The following MYO1B variants were observed in gnomAD, a reference collection of about 807,000 sequenced individuals.
The protein encoded by MYO1B is myosin IB.
Under a neutral mutation model 159.7 loss-of-function variants are expected in MYO1B, and 72 were observed. That is an observed-to-expected ratio of 0.45 (90% CI 0.37 to 0.55). The LOEUF is 0.55. MYO1B is among the 20% of genes least tolerant of loss of function. The pLI is 0.00. For synonymous variants in MYO1B, 468 were observed against 473.8 expected (o/e 0.99, Z 0.16); for missense variants, 1,062 against 1,364.8 (o/e 0.78, Z 3.50).
Position 191,364,263 on chromosome 2 carries a change from T to A in MYO1B, c.1019T>A (p.Leu340Gln), listed in dbSNP as rs1303080506. The change falls in exon 11 of 31, where the codon CTG (leucine) becomes CAG (glutamine). Residue 340 changes from leucine to glutamine, a missense_variant. Physicochemically the swap from Leu to Gln is moderately radical, Grantham distance 113. Coordinates refer to ENST00000392318, the MANE Select transcript of MYO1B (RefSeq NM_001130158.3). Reference sequence around the variant, plus strand: ...AAACAGGAGAAAGTTTCAACTACACTGAATGTGGCTCAGGTGGGTGAAACA... The same window carrying A: ...AAACAGGAGAAAGTTTCAACTACACAGAATGTGGCTCAGGTGGGTGAAACA... ...EAKQEKVSTTLNVAQAYYARD... is the reference protein window; with the variant it reads ...EAKQEKVSTTQNVAQAYYARD... 6.2e-7 allele frequency: 1 copy of A among 1,612,786 alleles called. No individual in the cohort carries two copies. Among genetic ancestry groups the A allele is most frequent in the African/African-American group, 1.3e-5 (1 of 75,010 alleles).
chr2:191,308,074 C>T (rs1281522811), intron 3 of MYO1B, among the ~76,000 whole-genome samples: 10 of 152,120 alleles, frequency 6.6e-5, no homozygotes, highest in South Asian at 4.1e-4. Flanking sequence ...CCCCCCCACT[C>T]TAATCACAGG....
At chr2:191,255,160 C>G (rs1474122282) in intron 1 of MYO1B, among the ~76,000 whole-genome samples, 1 of 152,076 alleles carries the variant, frequency 6.6e-6, no homozygotes, top group African/African-American at 2.4e-5. Flanking sequence ...AACTCCTGGC[C>G]TCAAGTGATC....
chr2:191,349,402 A>G (rs1201784654), intron 6 of MYO1B, among the ~76,000 whole-genome samples: 1 of 152,252 alleles, frequency 6.6e-6, no homozygotes, highest in African/African-American at 2.4e-5. Context: ...TTCTTAGGAC[A>G]TGAAACAAAA....
At position 191,406,765 on chromosome 2, in the gene MYO1B, A is replaced by G. The variant is rs147960510; in HGVS notation, c.2557-1350A>G. ...ACATGCTGTTGGAAAAATGGTGCCA[A>G]TAGGCTTGTTTGATGCAGGGTTGCC... On this transcript the variant is annotated intron_variant, in intron 24 of 30. Transcript: ENST00000392318. Among the ~76,000 whole-genome samples the G allele has an allele frequency of 6.2e-3, 943 of 152,362 alleles. 5 individuals are homozygous for G. The highest frequency in any genetic ancestry group is 0.022 in the African/African-American group (901 of 41,584).
chr2:191,350,020 C>T (rs966145468), intron 6 of MYO1B, 142 bp from the exon 7 acceptor site: 66 of 621,642 alleles, frequency 1.1e-4, no homozygotes, highest in Admixed American at 1.0e-3. Flanking sequence ...TGTTTTGCAT[C>T]GTGGTTATAT....
intron 3 of MYO1B, among the ~76,000 whole-genome samples, chr2:191,316,834 G>A (rs1690380825): frequency 6.6e-6 from 1 of 152,202 alleles, no homozygotes; most frequent in Non-Finnish European, 1.5e-5. Flanking sequence ...GCATGGAGGT[G>A]AGCAGAGGGT....
chr2:191,249,826 T>C (rs1206981083), intron 1 of MYO1B, among the ~76,000 whole-genome samples: 1 of 152,222 alleles, frequency 6.6e-6, no homozygotes, highest in African/African-American at 2.4e-5. Flanking sequence ...CCTCAGGCTA[T>C]GAAATTCTCC....
Position 191,260,012 on chromosome 2 carries a change from G to A in MYO1B, c.-10+14386G>A, listed in dbSNP as rs55981147. Among the ~76,000 whole-genome samples, 227 of 152,148 alleles carry A rather than the reference G, an allele frequency of 1.5e-3. 1 individual carries two copies. Among genetic ancestry groups the A allele is most frequent in the African/African-American group, 5.2e-3 (216 of 41,524 alleles). On this transcript the variant is annotated intron_variant, in intron 1 of 30. Transcript: ENST00000392318. ...TGGATAATGTTAGGATTGCTTAGAGGGTAGAGTGAGAAGAGGAAGGCGGAG... is the reference window on the plus strand; with the variant it reads ...TGGATAATGTTAGGATTGCTTAGAGAGTAGAGTGAGAAGAGGAAGGCGGAG...
At chr2:191,365,643 A>G (rs1251189255) in intron 11 of MYO1B, among the ~76,000 whole-genome samples, 1 of 152,194 alleles carries the variant, frequency 6.6e-6, no homozygotes, top group Non-Finnish European at 1.5e-5. Context: ...GCACAAGCCC[A>G]CACATAGGCC....
chr2:191,422,578 G>A (rs1422595952), intron 30 of MYO1B, among the ~76,000 whole-genome samples: 1 of 151,936 alleles, frequency 6.6e-6, no homozygotes, highest in Non-Finnish European at 1.5e-5. Context: ...ATTTTAATGG[G>A]TATTAAAGAT....
At chr2:191,393,951 C>T (rs140898909) in intron 20 of MYO1B, among the ~76,000 whole-genome samples, 75 of 152,290 alleles carry the variant, frequency 4.9e-4, no homozygotes, top group African/African-American at 1.8e-3. Flanking sequence ...CTCACATCTC[C>T]TTTCTTATAT....
chr2:191,304,979 C>CT (rs1689561382), intron 3 of MYO1B, among the ~76,000 whole-genome samples: 1 of 152,196 alleles, frequency 6.6e-6, no homozygotes, highest in South Asian at 2.1e-4. Context: ...AAAACAGCTG[C>CT]TAACTGCCAA....
chr2:191,414,236 C>A, intron 28 of MYO1B, 56 bp downstream of exon 28: 1 of 1,547,582 alleles, frequency 6.5e-7, no homozygotes, highest in South Asian at 1.3e-5. Context: ...GGGATAGTCA[C>A]CCTGTTTTCT....
At chr2:191,351,107 G>A (rs1692892601) in intron 7 of MYO1B, among the ~76,000 whole-genome samples, 1 of 151,538 alleles carries the variant, frequency 6.6e-6, no homozygotes, top group African/African-American at 2.4e-5. Context: ...CCATAGAACT[G>A]AACCTTCTCC....
intron 6 of MYO1B, among the ~76,000 whole-genome samples, chr2:191,346,853 A>C (rs1378642083): frequency 6.6e-6 from 1 of 152,128 alleles, no homozygotes; most frequent in Non-Finnish European, 1.5e-5. Context: ...TACAGGGTCC[A>C]TCTTTCCAGC....
At chr2:191,374,542 C>G (rs574102174) in intron 13 of MYO1B, among the ~76,000 whole-genome samples, 61 of 152,264 alleles carry the variant, frequency 4.0e-4, no homozygotes, top group African/African-American at 1.4e-3. Context: ...TGGTCTGTCT[C>G]TGAACGGAAG....
At position 191,414,099 on chromosome 2, in the gene MYO1B, G is replaced by C; in HGVS notation, c.2925G>C (p.Lys975Asn). ...ACCTGGAAATCAACAAGAACCCCAA[G>C]TATAAGAAACTCAAAGATGCCATTG... ...GAYLEINKNP[K>N]YKKLKDAIEE... Residue 975 changes from lysine (K) to asparagine (N), a missense_variant, in exon 28 of 31, where the codon AAG (lysine) becomes AAC (asparagine). Physicochemically the swap from Lys to Asn is moderately conservative, Grantham distance 94 (BLOSUM62 0). Transcript: ENST00000392318. The C allele has an allele frequency of 6.2e-7, 1 of 1,613,278 alleles. No homozygotes were observed. The highest frequency in any genetic ancestry group is 8.5e-7 in the Non-Finnish European group (1 of 1,179,642).
At position 191,270,395 on chromosome 2, in the gene MYO1B, G is replaced by A. The variant is rs1334746523; in HGVS notation, c.-9-6492G>A. 2.6e-5 allele frequency among the ~76,000 whole-genome samples: 4 copies of A among 152,136 alleles called. No homozygotes were observed. The East Asian group carries it at 7.7e-4, about 29-fold the overall frequency. On this transcript the variant is annotated intron_variant, in intron 1 of 30. Transcript: ENST00000392318. ...AAGTTCCTTGAAAATTTCAAAAGTG[G>A]CCTATTTTCTTGACTTTTCTATTGG...
chr2:191,367,041 C>T (rs186670641), intron 11 of MYO1B, among the ~76,000 whole-genome samples: 102 of 152,218 alleles, frequency 6.7e-4, no homozygotes, highest in Middle Eastern at 3.4e-3. Flanking sequence ...GCCATGTCTG[C>T]AGCACATTCC....
Sources: allele counts gnomAD v4.1 joint callset (sites outside exome capture counted in the v4.1 genomes callset), GRCh38; gene constraint gnomAD v4.1.1; transcripts MANE v1.5; gene names NCBI Gene and HGNC (gene_info 2026-07-23, HGNC 2026-07-21).